The following KCTD8 variants were observed in gnomAD, a reference collection of about 807,000 sequenced individuals.
The protein encoded by KCTD8 is BTB/POZ domain-containing protein KCTD8.
A neutral mutation model predicts 31.5 loss-of-function variants in KCTD8; 27 were observed. The observed-to-expected ratio is 0.86, with a 90% confidence interval of 0.63 to 1.18. KCTD8 has a LOEUF of 1.18. Among genes scored for constraint, KCTD8 ranks in the 50% most tolerant of loss-of-function variants. The pLI is 0.00. For missense variants in KCTD8, 658 were observed against 647.7 expected, an observed-to-expected ratio of 1.02 and a Z score of -0.17; for synonymous variants, 290 against 280.0, an observed-to-expected ratio of 1.04 and a Z score of -0.36.
rs1220036946 is a variant in KCTD8 at position 44,209,776 on chromosome 4, CAAGT to C, written c.962-34530_962-34527del. 5.9e-5 allele frequency among the ~76,000 whole-genome samples: 9 copies of C among 151,776 alleles called. No individual in the cohort carries two copies. The East Asian group carries it at 1.4e-3, about 23-fold the overall frequency. ...ATGGTAGGGCTTGAACTGACAAGAACAAGTAAGTGAGAAAAATACAATAAAATTT... is the reference window on the plus strand; with the variant it reads ...ATGGTAGGGCTTGAACTGACAAGAACAAGTGAGAAAAATACAATAAAATTT... On this transcript the variant is annotated intron_variant, in intron 1 of 1. Transcript: ENST00000360029.
At chr4:44,267,068 C>T (rs1228219423) in intron 1 of KCTD8, among the ~76,000 whole-genome samples, 2 of 152,126 alleles carry the variant, frequency 1.3e-5, no homozygotes, top group South Asian at 2.1e-4. Flanking sequence ...TAGAACTCTC[C>T]ACCCCAAATC....
At chr4:44,356,192 G>A (rs1719337451) in intron 1 of KCTD8, among the ~76,000 whole-genome samples, 1 of 152,046 alleles carries the variant, frequency 6.6e-6, no homozygotes, top group African/African-American at 2.4e-5. Flanking sequence ...TTCATCAAAT[G>A]TCTTTTTTAC....
chr4:44,434,548 C>T (rs906206373), intron 1 of KCTD8, among the ~76,000 whole-genome samples: 4 of 151,834 alleles, frequency 2.6e-5, no homozygotes, highest in Non-Finnish European at 5.9e-5. Context: ...CTATACTCAC[C>T]CATCACACAG....
At chr4:44,210,348 T>C (rs1449755000) in intron 1 of KCTD8, among the ~76,000 whole-genome samples, 2 of 152,238 alleles carry the variant, frequency 1.3e-5, no homozygotes, top group Non-Finnish European at 2.9e-5. Context: ...CTTATACATG[T>C]ATTGTCTATC....
intron 1 of KCTD8, among the ~76,000 whole-genome samples, chr4:44,279,252 A>G (rs1716832704): frequency 6.6e-6 from 1 of 152,054 alleles, no homozygotes; most frequent in Admixed American, 6.6e-5. Flanking sequence ...AGTGTGGCTC[A>G]ACAAGGTTAT....
chr4:44,337,027 G>A (rs887361652), intron 1 of KCTD8, among the ~76,000 whole-genome samples: 1 of 152,044 alleles, frequency 6.6e-6, no homozygotes, highest in African/African-American at 2.4e-5. Flanking sequence ...CTAAAAGGGG[G>A]TTAATCCAGA....
At chr4:44,181,130 T>C (rs1182951738) in intron 1 of KCTD8, among the ~76,000 whole-genome samples, 1 of 151,328 alleles carries the variant, frequency 6.6e-6, no homozygotes, top group African/African-American at 2.4e-5. Flanking sequence ...ACATCTCAGT[T>C]TTAAAACCTA....
Position 44,181,587 on chromosome 4 carries a change from G to A in KCTD8, c.962-6337C>T, listed in dbSNP as rs550770604. 3.2e-3 allele frequency among the ~76,000 whole-genome samples: 480 copies of A among 152,232 alleles called. 2 individuals are homozygous for A. The highest frequency in any genetic ancestry group is 9.2e-3 in the African/African-American group (382 of 41,564). On this transcript the variant is annotated intron_variant, in intron 1 of 1. Coordinates refer to ENST00000360029, the MANE Select transcript of KCTD8 (RefSeq NM_198353.3). ...GGCTGGAGTGCAGTGGCGTGATCTC[G>A]GCTAGCTACAACCTCCACCTCCCAG...
chr4:44,434,853 A>G (rs1721603598), intron 1 of KCTD8, among the ~76,000 whole-genome samples: 1 of 151,996 alleles, frequency 6.6e-6, no homozygotes, highest in African/African-American at 2.4e-5. Flanking sequence ...AGGATTAACA[A>G]GGAATTTCTC....
intron 1 of KCTD8, among the ~76,000 whole-genome samples, chr4:44,364,556 C>A (rs1414393134): frequency 1.3e-5 from 2 of 152,068 alleles, no homozygotes; most frequent in Admixed American, 1.3e-4. Flanking sequence ...TCATATGATC[C>A]AGAAACTGTA....
At chr4:44,373,951 T>C (rs1156376951) in intron 1 of KCTD8, among the ~76,000 whole-genome samples, 1 of 152,216 alleles carries the variant, frequency 6.6e-6, no homozygotes, top group Non-Finnish European at 1.5e-5. Context: ...TCGGCTTAGT[T>C]AAAAACATAT....
At chr4:44,378,805 GA>G (rs1245093213) in intron 1 of KCTD8, among the ~76,000 whole-genome samples, 1 of 152,054 alleles carries the variant, frequency 6.6e-6, no homozygotes, top group Admixed American at 6.6e-5. Flanking sequence ...TTGGTATCTT[GA>G]AACCATAGAA....
intron 1 of KCTD8, among the ~76,000 whole-genome samples, chr4:44,282,329 G>A (rs1164783189): frequency 6.6e-6 from 1 of 151,874 alleles, no homozygotes; most frequent in Non-Finnish European, 1.5e-5. Context: ...TGTTACTATT[G>A]TAATTGTTTT....
At chr4:44,267,765 C>G (rs1039460251) in intron 1 of KCTD8, among the ~76,000 whole-genome samples, 2 of 152,170 alleles carry the variant, frequency 1.3e-5, no homozygotes, top group Non-Finnish European at 2.9e-5. Context: ...ACTACAAACA[C>G]CTCTACGCAA....
rs1418811441 is a variant in KCTD8 at position 44,177,089 on chromosome 4, AGCT to A, written c.962-1842_962-1840del. Among the ~76,000 whole-genome samples, 9 of 152,148 alleles carry A rather than the reference AGCT, an allele frequency of 5.9e-5. No homozygotes were observed. In the East Asian group the frequency reaches 1.7e-3, roughly 29 times the overall value. On this transcript the variant is annotated intron_variant, in intron 1 of 1. Transcript: ENST00000360029. ...AAGCCTCTCTCTGTCAGGGAGAGTCAGCTGAGACTTTGGGGTAGGGTGGAGAAA... is the reference window on the plus strand; with the variant it reads ...AAGCCTCTCTCTGTCAGGGAGAGTCAGAGACTTTGGGGTAGGGTGGAGAAA...
At chr4:44,435,976 T>C (rs990886551) in intron 1 of KCTD8, among the ~76,000 whole-genome samples, 1 of 152,104 alleles carries the variant, frequency 6.6e-6, no homozygotes, top group African/African-American at 2.4e-5. Context: ...CTAATAAATA[T>C]GGAAAACACA....
intron 1 of KCTD8, among the ~76,000 whole-genome samples, chr4:44,228,608 C>T (rs897783999): frequency 3.3e-5 from 5 of 152,192 alleles, no homozygotes; most frequent in Admixed American, 2.6e-4. Flanking sequence ...CTGCTCTTTG[C>T]ATCTCTGGCT....
At chr4:44,293,927 C>T (rs181451073) in intron 1 of KCTD8, 1 of 361,910 alleles carries the variant, frequency 2.8e-6, no homozygotes, top group Admixed American at 3.5e-5. Flanking sequence ...ATTTGTTTAA[C>T]AATTTTCTTG....
intron 1 of KCTD8, among the ~76,000 whole-genome samples, chr4:44,270,256 T>G (rs554880921): frequency 6.6e-6 from 1 of 151,432 alleles, no homozygotes; most frequent in African/African-American, 2.4e-5. Flanking sequence ...ATGGATGAAA[T>G]TGGAAATCAT....
Sources: allele counts gnomAD v4.1 joint callset (sites outside exome capture counted in the v4.1 genomes callset), GRCh38; gene constraint gnomAD v4.1.1; transcripts MANE v1.5; gene names NCBI Gene and HGNC (gene_info 2026-07-23, HGNC 2026-07-21).